The following CASKIN1 variants were observed in gnomAD, a reference collection of about 807,000 sequenced individuals.
The protein encoded by CASKIN1 is caskin-1.
In CASKIN1, 42 loss-of-function variants were observed where a neutral mutation model predicts 117.5. The observed-to-expected ratio is 0.36, with a 90% CI of 0.28 to 0.46. The LOEUF is 0.46. CASKIN1 is among the 20% of genes least tolerant of loss of function. The probability of loss-of-function intolerance (pLI) is 1.00; values close to 1 mark genes in which losing one functional copy is unlikely to be tolerated. For synonymous variants in CASKIN1, 1,148 were observed against 961.7 expected, an observed-to-expected ratio of 1.19 and a Z score of -3.59; for missense variants, 2,083 against 2,077.3, an observed-to-expected ratio of 1.00 and a Z score of -0.05.
Position 2,184,942 on chromosome 16 carries a change from T to A in CASKIN1, c.1324+9A>T. On this transcript the variant is annotated intron_variant, in intron 13 of 19. Coordinates refer to ENST00000343516, the MANE Select transcript of CASKIN1 (RefSeq NM_020764.4). ...CCATCGGGCTGCGTGGCAGCACCCTTGCTCTTACCTGCAGAGCCTTCCGGA... is the reference window on the plus strand; with the variant it reads ...CCATCGGGCTGCGTGGCAGCACCCTAGCTCTTACCTGCAGAGCCTTCCGGA... 1 of 1,596,106 alleles carries A rather than the reference T, an allele frequency of 6.3e-7. No homozygotes were observed. The highest frequency in any genetic ancestry group is 8.6e-7 in the Non-Finnish European group (1 of 1,167,850).
At position 2,180,636 on chromosome 16, in the gene CASKIN1, T is replaced by G; in HGVS notation, c.2732A>C (p.Gln911Pro). 1 of 1,548,052 alleles carries G rather than the reference T, an allele frequency of 6.5e-7. No individual in the cohort carries two copies. Among genetic ancestry groups the G allele is most frequent in the East Asian group, 2.4e-5 (1 of 41,492 alleles). ...PAAAGPYATV[Q>P]RRVGRSHSVR... is the part of the protein sequence containing the mutation. ...TGAGTGGCTGCGGCCCACGCGCCGC[T>G]GGACCGTGGCATAGGGGCCGGCAGC... The change falls in exon 18 of 20, where the codon CAG becomes CCG. Residue 911 changes from glutamine (Q) to proline (P), a missense_variant. Gln to Pro is a moderately conservative substitution (Grantham distance 76). Coordinates refer to ENST00000343516, the MANE Select transcript of CASKIN1 (RefSeq NM_020764.4).
At chr16:2,195,885 C>G (rs1311231892) in intron 1 of CASKIN1, among the ~76,000 whole-genome samples, 1 of 146,698 alleles carries the variant, frequency 6.8e-6, no homozygotes, top group African/African-American at 2.5e-5. Flanking sequence ...AAACGTGGGG[C>G]GGGAGGGGGT....
In CASKIN1 at chr16:2,182,025, G is replaced by A. The variant is rs2093169798; in HGVS notation, c.1630-96C>T. The A allele has an allele frequency of 1.3e-6, 2 of 1,552,408 alleles. No individual in the cohort carries two copies. Among genetic ancestry groups the A allele is most frequent in the African/African-American group, 1.4e-5 (1 of 73,784 alleles). The stretch of plus-strand genomic sequence containing the variant: ...AGGAGGAAGGGTCACCGGGCCAGCA[G>A]GGCACAGACAGACAGGAGGACAAAC... On this transcript the variant is annotated intron_variant, in intron 16 of 19. Coordinates refer to ENST00000343516, the MANE Select transcript of CASKIN1 (RefSeq NM_020764.4). The surrounding 1 kb of genome is among the most constrained non-coding windows in gnomAD (Gnocchi z 4.1).
rs767991368 is a variant in CASKIN1 at position 2,182,186 on chromosome 16, CAGA to C, written c.1630-260_1630-258del. On this transcript the variant is annotated intron_variant, in intron 16 of 19. Coordinates refer to ENST00000343516, the MANE Select transcript of CASKIN1 (RefSeq NM_020764.4). The surrounding 1 kb of genome is among the most constrained non-coding windows in gnomAD (Gnocchi z 4.1). Reference sequence around the variant, plus strand: ...CCACAGGACACCCTTGTCGGGGGGGCAGAAGAAGGCACTTTCCCACCCGGCCAG... The same window carrying C: ...CCACAGGACACCCTTGTCGGGGGGGCAGAAGGCACTTTCCCACCCGGCCAG... Among the ~76,000 whole-genome samples the C allele has an allele frequency of 2.0e-5, 3 of 152,124 alleles. No individual in the cohort carries two copies. The highest frequency in any genetic ancestry group is 4.4e-5 in the Non-Finnish European group (3 of 68,016).
rs545872456 is a variant in CASKIN1 at position 2,190,556 on chromosome 16, G to C, written c.95-198C>G. ...GCCTGCCCCAGGTGCCAGCTGCTCG[G>C]GCCTTGGTGTCCCATTGCCCTGAGA... On this transcript the variant is annotated intron_variant, in intron 1 of 19. Transcript: ENST00000343516. Among the ~76,000 whole-genome samples, 187 of 152,314 alleles carry C rather than the reference G, an allele frequency of 1.2e-3. 1 individual carries two copies. The highest frequency in any genetic ancestry group is 4.4e-3 in the African/African-American group (181 of 41,584).
In CASKIN1 at chr16:2,181,070, G is replaced by A. The variant is rs753661247; in HGVS notation, c.2298C>T (p.Val766=). The change falls in exon 18 of 20, where the codon GTC becomes GTT. Residue 766 remains valine (V), a synonymous_variant. Coordinates refer to ENST00000343516, the MANE Select transcript of CASKIN1 (RefSeq NM_020764.4). Reference sequence around the variant, plus strand: ...TGAAGTGGCTAGTGCCTGGTGGGAGGACCTGCCGTGGCTTGCCAGGCACGG... The same window carrying A: ...TGAAGTGGCTAGTGCCTGGTGGGAGAACCTGCCGTGGCTTGCCAGGCACGG... ...VPPVPGKPRQ[V]LPPGTSHFTP... is the part of the protein sequence containing the mutation. 5 of 1,488,386 alleles carry A rather than the reference G, an allele frequency of 3.4e-6. No individual in the cohort carries two copies. The highest frequency in any genetic ancestry group is 2.4e-5 in the East Asian group (1 of 41,572). 92.2% of individuals were successfully genotyped at this position (1,488,386 alleles called of 1,614,324 possible). A position where few individuals can be genotyped will look rare whatever the true frequency, so the allele number is the denominator to read the frequency against.
chr16:2,195,764 C>T (rs1011464832), intron 1 of CASKIN1, among the ~76,000 whole-genome samples: 1 of 152,194 alleles, frequency 6.6e-6, no homozygotes, highest in African/African-American at 2.4e-5. Context: ...CTGGGCTGGG[C>T]GACCTTGGGC....
rs112983921 is a variant in CASKIN1, at chr16:2,182,356, T to C, written c.1630-427A>G. On this transcript the variant is annotated intron_variant, in intron 16 of 19. Coordinates refer to ENST00000343516, the MANE Select transcript of CASKIN1 (RefSeq NM_020764.4). This position sits in a 1 kb window ranked among gnomAD's most constrained non-coding sequence, Gnocchi z 4.1. ...ACAGGCACCAGCACCCCATCCCGTTTCACACTCTGACCTCTCACCCACATC... is the reference window on the plus strand; with the variant it reads ...ACAGGCACCAGCACCCCATCCCGTTCCACACTCTGACCTCTCACCCACATC... 6.1e-3 allele frequency among the ~76,000 whole-genome samples: 931 copies of C among 151,930 alleles called. 14 individuals carry two copies. The highest frequency in any genetic ancestry group is 0.022 in the African/African-American group (895 of 41,400).
chr16:2,180,192 A>T lies in CASKIN1; in HGVS notation c.3176T>A (p.Val1059Glu). ...GCTGAGCGTGCGGCGCCGGTTCACC[A>T]CCTCCCCGCCAGGCCCGATGGCCTC... is the stretch of plus-strand genomic sequence containing the variant. Reference protein sequence around the residue: ...HKEAIGPGGEVVNRRRTLSGP... With the variant: ...HKEAIGPGGEEVNRRRTLSGP... The change falls in exon 18 of 20, where the codon GTG becomes GAG. Residue 1059 changes from valine to glutamate, a missense_variant. By Grantham distance (121) the Val-to-Glu change is moderately radical. Around this residue, in one of 3 missense-constraint regions of CASKIN1, gnomAD observed 1,818 missense variants for 1,688.9 expected, o/e 1.08. Transcript: ENST00000343516. The T allele has an allele frequency of 1.3e-6, 2 of 1,549,226 alleles. No individual in the cohort carries two copies. The highest frequency in any genetic ancestry group is 1.7e-6 in the Non-Finnish European group (2 of 1,147,302).
intron 1 of CASKIN1, among the ~76,000 whole-genome samples, chr16:2,190,861 A>C (rs902703015): frequency 6.6e-6 from 1 of 152,162 alleles, no homozygotes; most frequent in African/African-American, 2.4e-5. Flanking sequence ...CAGCACCCCC[A>C]CTGCCAGCCC....
At chr16:2,181,659 CTAGGGGCGGGG>C in intron 17 of CASKIN1, 60 bp from the exon 18 acceptor site, 1 of 414,112 alleles carries the variant, frequency 2.4e-6, no homozygotes, top group South Asian at 2.4e-5. Flanking sequence ...AGGGGCCGGG[CTAGGGGCGGGG>C]CTGGGCTGGG....
At position 2,182,028 on chromosome 16, in the gene CASKIN1, C is replaced by A; in HGVS notation, c.1630-99G>T. On this transcript the variant is annotated intron_variant, in intron 16 of 19. Transcript: ENST00000343516. This position sits in a 1 kb window ranked among gnomAD's most constrained non-coding sequence, Gnocchi z 4.1. ...AGGAAGGGTCACCGGGCCAGCAGGGCACAGACAGACAGGAGGACAAACGGA... is the reference window on the plus strand; with the variant it reads ...AGGAAGGGTCACCGGGCCAGCAGGGAACAGACAGACAGGAGGACAAACGGA... 1.3e-6 allele frequency: 2 copies of A among 1,535,600 alleles called. No homozygotes were observed. Among genetic ancestry groups the A allele is most frequent in the South Asian group, 1.2e-5 (1 of 85,974 alleles).
chr16:2,180,599 G>A lies in CASKIN1; in HGVS notation c.2769C>T (p.Pro923=), dbSNP rs1226520893. 9.5e-6 allele frequency: 15 copies of A among 1,572,842 alleles called. No homozygotes were observed. Among genetic ancestry groups the A allele is most frequent in the South Asian group, 2.3e-5 (2 of 87,538 alleles). ...RVGRSHSVRA[P]AGADKNVNRS... The stretch of plus-strand genomic sequence containing the variant: ...GGTTGACGTTCTTGTCGGCACCTGC[G>A]GGCGCCCTCACTGAGTGGCTGCGGC... Residue 923 remains proline, a synonymous_variant, in exon 18 of 20, where the codon CCC becomes CCT. Coordinates refer to ENST00000343516, the MANE Select transcript of CASKIN1 (RefSeq NM_020764.4).
Position 2,178,953 on chromosome 16 carries a change from G to T in CASKIN1, c.4148C>A (p.Ala1383Glu), listed in dbSNP as rs748621679. ...LEETSACLAA[A>E]LQAVEEKIRQ... ...GATCTTCTCCTCCACCGCCTGCAGC[G>T]CCGCGGCCAGGCACGCGCTTGTCTC... is the stretch of plus-strand genomic sequence containing the variant. Residue 1383 changes from alanine to glutamate, a missense_variant, in exon 19 of 20, where the codon GCG becomes GAG. By Grantham distance (107) the Ala-to-Glu change is moderately radical. Around this residue, in one of 3 missense-constraint regions of CASKIN1, gnomAD observed 1,818 missense variants for 1,688.9 expected, o/e 1.08. Transcript: ENST00000343516. 2.7e-6 allele frequency: 4 copies of T among 1,486,940 alleles called. No individual in the cohort carries two copies. The highest frequency in any genetic ancestry group is 3.5e-6 in the Non-Finnish European group (4 of 1,127,502). The allele number at this position is 1,486,940 out of a possible 1,614,324, so 92.1% of individuals were successfully genotyped here. A position where few individuals can be genotyped will look rare whatever the true frequency, so the allele number is the denominator to read the frequency against.
At chr16:2,193,205 C>T (rs770379016) in intron 1 of CASKIN1, among the ~76,000 whole-genome samples, 18 of 152,042 alleles carry the variant, frequency 1.2e-4, no homozygotes, top group African/African-American at 2.7e-4. Flanking sequence ...TTAGTAGAGA[C>T]GGGGTTTCTC....
At chr16:2,192,996 C>T (rs2093205339) in intron 1 of CASKIN1, among the ~76,000 whole-genome samples, 1 of 152,218 alleles carries the variant, frequency 6.6e-6, no homozygotes, top group South Asian at 2.1e-4. Flanking sequence ...GGATGCTCTC[C>T]TGTCGCCATC....
Position 2,179,517 on chromosome 16 carries a change from G to A in CASKIN1, c.3775+76C>T. 1.4e-6 allele frequency: 2 copies of A among 1,398,610 alleles called. No individual in the cohort carries two copies. The highest frequency in any genetic ancestry group is 2.7e-5 in the East Asian group (1 of 36,814). The allele number at this position is 1,398,610 out of a possible 1,614,324, so 86.6% of individuals were successfully genotyped here. ...GGGCTTCCATCAAACCCAAGAAAAGGAAAACCCCTCAGACCACCGAGTAAG... is the reference window on the plus strand; with the variant it reads ...GGGCTTCCATCAAACCCAAGAAAAGAAAAACCCCTCAGACCACCGAGTAAG... On this transcript the variant is annotated intron_variant, in intron 18 of 19. Coordinates refer to ENST00000343516, the MANE Select transcript of CASKIN1 (RefSeq NM_020764.4). This position sits in a 1 kb window ranked among gnomAD's most constrained non-coding sequence, Gnocchi z 5.8.
At chr16:2,185,066 G>A in intron 12 of CASKIN1, 31 bp from the exon 13 acceptor site, 1 of 1,606,872 alleles carries the variant, frequency 6.2e-7, no homozygotes, top group Non-Finnish European at 8.5e-7. Flanking sequence ...CTTGTCACCT[G>A]CTCCCAGCCC....
Position 2,178,997 on chromosome 16 carries a change from G to C in CASKIN1, c.4104C>G (p.Ser1368Arg), listed in dbSNP as rs1166786873. The C allele has an allele frequency of 3.8e-6, 5 of 1,323,492 alleles. No homozygotes were observed. In the African/African-American group the frequency reaches 7.7e-5, roughly 20 times the overall value. The allele number at this position is 1,323,492 out of a possible 1,614,324, so 82.0% of individuals were successfully genotyped here. The change falls in exon 19 of 20, where the codon AGC (serine) becomes AGG (arginine). Residue 1368 changes from serine to arginine, a missense_variant. By Grantham distance (110) the Ser-to-Arg change is moderately radical. Transcript: ENST00000343516. ...TTGTCTCCTCCAGTTTCTGCCGGGC[G>C]CTGTCCCCTGGCGAGGCGCCTTCGG... ...APPEGASPGD[S>R]ARQKLEETSA...
Sources: allele counts gnomAD v4.1 joint callset (sites outside exome capture counted in the v4.1 genomes callset), GRCh38; gene constraint gnomAD v4.1.1; regional missense constraint gnomAD v4.1.1; non-coding constraint Gnocchi (gnomAD v3.1); transcripts MANE v1.5; gene names NCBI Gene and HGNC (gene_info 2026-07-23, HGNC 2026-07-21).